The following ADGRL3 variants were observed in gnomAD, a reference collection of about 807,000 sequenced individuals.
The protein encoded by ADGRL3 is adhesion G protein-coupled receptor L3.
In ADGRL3, 62 loss-of-function variants were observed where a neutral mutation model predicts 153.5. The ratio of observed to expected loss-of-function variants is 0.40; its 90% CI spans 0.33 to 0.50. The LOEUF (loss-of-function observed/expected upper bound fraction) is 0.50, where lower values mean the gene tolerates loss of function less well. ADGRL3 is among the 20% of genes least tolerant of loss of function. The probability of loss-of-function intolerance (pLI) is 0.47; values close to 1 mark genes in which losing one functional copy is unlikely to be tolerated. For synonymous variants in ADGRL3, 710 were observed against 672.5 expected (o/e 1.06, Z -0.86); for missense variants, 1,641 against 1,859.4 (o/e 0.88, Z 2.16).
At chr4:61,520,556 A>G (rs1264922822) in intron 4 of ADGRL3, among the ~76,000 whole-genome samples, 1 of 152,062 alleles carries the variant, frequency 6.6e-6, no homozygotes, top group Non-Finnish European at 1.5e-5. Context: ...CCATTTGGAG[A>G]ATTACATCAA....
At chr4:61,534,229 C>A (rs763621961) in intron 4 of ADGRL3, among the ~76,000 whole-genome samples, 3 of 152,080 alleles carry the variant, frequency 2.0e-5, no homozygotes, top group Non-Finnish European at 4.4e-5. Context: ...TTATTTTTGT[C>A]AGCTTTGTCA....
chr4:61,901,806 T>G (rs2098666144), intron 11 of ADGRL3, among the ~76,000 whole-genome samples: 1 of 152,154 alleles, frequency 6.6e-6, no homozygotes, highest in Non-Finnish European at 1.5e-5. Flanking sequence ...AGCTACTGGG[T>G]TTTCCCTCCC....
At chr4:61,664,877 C>T (rs1241253501) in intron 5 of ADGRL3, among the ~76,000 whole-genome samples, 1 of 152,046 alleles carries the variant, frequency 6.6e-6, no homozygotes, top group Non-Finnish European at 1.5e-5. Context: ...TCCTCTAACC[C>T]CCATCCTCTT....
At chr4:61,906,515 C>A (rs546851978) in intron 11 of ADGRL3, 1 of 152,070 alleles carries the variant, frequency 6.6e-6, no homozygotes, top group Non-Finnish European at 1.5e-5. Flanking sequence ...GAATCAACAT[C>A]CTTGAACATT....
rs2098807037 is a variant in ADGRL3 at position 61,929,204 on chromosome 4, C to CA, written c.2113-5636_2113-5635insA. Among the ~76,000 whole-genome samples the CA allele has an allele frequency of 3.3e-5, 5 of 151,994 alleles. No homozygotes were observed. The South Asian group carries it at 1.0e-3, about 32-fold the overall frequency. ...CTTCATGAATGAATGGTACTAGTGC[C>CA]CTTACAAAGGAGGCCCGAGATAATT... On this transcript the variant is annotated intron_variant, in intron 13 of 26. Coordinates refer to ENST00000683033, the MANE Select transcript of ADGRL3 (RefSeq NM_001387552.1).
chr4:61,505,989 A>G (rs997643362), intron 3 of ADGRL3, among the ~76,000 whole-genome samples: 2 of 152,138 alleles, frequency 1.3e-5, no homozygotes, highest in Non-Finnish European at 1.5e-5. Flanking sequence ...CATGAAGCCC[A>G]GAAACTGAAG....
chr4:61,556,892 A>C (rs2098769800), intron 4 of ADGRL3, among the ~76,000 whole-genome samples: 1 of 152,144 alleles, frequency 6.6e-6, no homozygotes, highest in Non-Finnish European at 1.5e-5. Context: ...AAAGAAGATT[A>C]GACTCTGAAT....
chr4:61,656,532 G>T (rs2094447475), intron 5 of ADGRL3, among the ~76,000 whole-genome samples: 1 of 152,092 alleles, frequency 6.6e-6, no homozygotes, highest in Non-Finnish European at 1.5e-5. Context: ...CTATATAAGG[G>T]AGCTATTTGG....
chr4:61,995,897 A>C (rs2099119985), intron 19 of ADGRL3, among the ~76,000 whole-genome samples: 1 of 152,162 alleles, frequency 6.6e-6, no homozygotes, highest in South Asian at 2.1e-4. Context: ...GGAAAATGTC[A>C]CTTTGCCTGA....
intron 4 of ADGRL3, among the ~76,000 whole-genome samples, chr4:61,529,547 A>G (rs926827574): frequency 7.9e-5 from 12 of 152,096 alleles, no homozygotes; most frequent in African/African-American, 2.2e-4. Flanking sequence ...TACTTACAAA[A>G]CTATGTAAAT....
chr4:61,832,624 C>G (rs2097884771), intron 9 of ADGRL3, among the ~76,000 whole-genome samples: 1 of 152,188 alleles, frequency 6.6e-6, no homozygotes, highest in Admixed American at 6.5e-5. Flanking sequence ...TAGCAGGGAC[C>G]TCCAATAATC....
rs1304409504 is a variant in ADGRL3 at position 61,300,764 on chromosome 4, C to CTT, written c.-239-82358_-239-82357dup. 1.5e-4 allele frequency among the ~76,000 whole-genome samples: 17 copies of CTT among 111,514 alleles called. 1 individual carries two copies. In the Middle Eastern group the frequency reaches 0.031, roughly 205 times the overall value. The allele number at this position is 111,514 out of a possible 152,430, so 73.2% of individuals were successfully genotyped here. Reference sequence around the variant, plus strand: ...GAATGAGTTTTGTTTTCTTTTCTTTCTTTCTTTTTTTTTTTTTTTGAGACA... The same window carrying CTT: ...GAATGAGTTTTGTTTTCTTTTCTTTCTTTTTCTTTTTTTTTTTTTTTGAGACA... On this transcript the variant is annotated intron_variant, in intron 1 of 26. Transcript: ENST00000683033.
intron 14 of ADGRL3, among the ~76,000 whole-genome samples, 188 bp downstream of exon 14, chr4:61,935,211 A>G (rs1202687521): frequency 6.6e-6 from 1 of 152,194 alleles, no homozygotes; most frequent in South Asian, 2.1e-4. Flanking sequence ...CATGTGTGCT[A>G]TCTTTCTTAG....
chr4:62,016,102 G>T (rs1388489145), intron 21 of ADGRL3, among the ~76,000 whole-genome samples: 5 of 151,708 alleles, frequency 3.3e-5, no homozygotes, highest in South Asian at 2.1e-4. Context: ...AGGCTGGAGT[G>T]CAGTGGCCTG....
intron 4 of ADGRL3, among the ~76,000 whole-genome samples, chr4:61,539,394 G>T (rs2098676919): frequency 6.6e-6 from 1 of 152,148 alleles, no homozygotes; most frequent in African/African-American, 2.4e-5. Flanking sequence ...AATGCCCAGT[G>T]GGCTTTGGCA....
chr4:61,532,694 T>G (rs1052201027), intron 4 of ADGRL3, among the ~76,000 whole-genome samples: 5 of 150,962 alleles, frequency 3.3e-5, no homozygotes, highest in African/African-American at 9.8e-5. Context: ...AGGGATTCAG[T>G]GGCCTCAAAT....
At chr4:61,657,801 A>T (rs1282511981) in intron 5 of ADGRL3, among the ~76,000 whole-genome samples, 3 of 152,236 alleles carry the variant, frequency 2.0e-5, no homozygotes, top group Non-Finnish European at 4.4e-5. Flanking sequence ...TTAGAAAACC[A>T]AATGAATGCC....
intron 25 of ADGRL3, among the ~76,000 whole-genome samples, chr4:62,058,239 G>A (rs1738105232): frequency 6.6e-6 from 1 of 151,980 alleles, no homozygotes; most frequent in South Asian, 2.1e-4. Flanking sequence ...TATTCAGGTA[G>A]CCTTTTGTAT....
At chr4:61,784,970 T>A (rs1049061226) in intron 8 of ADGRL3, among the ~76,000 whole-genome samples, 1 of 152,136 alleles carries the variant, frequency 6.6e-6, no homozygotes, top group Non-Finnish European at 1.5e-5. Flanking sequence ...ATATCTCAAG[T>A]TTGTTAAGAA....
Sources: gnomAD v4.1 joint callset for allele counts (sites outside exome capture counted in the v4.1 genomes callset) on GRCh38, gnomAD v4.1.1 for gene constraint, MANE v1.5 for transcripts, NCBI Gene and HGNC (gene_info 2026-07-23, HGNC 2026-07-21) for gene names.